The following B4GALT1 variants were observed in gnomAD, a reference collection of about 807,000 sequenced individuals.
B4GALT1 encodes beta-1,4-galactosyltransferase 1.
In B4GALT1, 16 loss-of-function variants were observed where a neutral mutation model predicts 34.9. The ratio of observed to expected loss-of-function variants is 0.46; its 90% CI spans 0.31 to 0.70. The LOEUF (loss-of-function observed/expected upper bound fraction) is 0.70. Ranked by LOEUF, B4GALT1 falls within the 30% of genes least tolerant of loss-of-function variation. B4GALT1 has a pLI of 0.05. For synonymous variants in B4GALT1, 221 were observed against 218.1 expected (o/e 1.01, Z -0.12); for missense variants, 445 against 530.5 (o/e 0.84, Z 1.58).
chr9:33,160,102 G>A (rs928854044), intron 1 of B4GALT1, among the ~76,000 whole-genome samples: 1 of 152,178 alleles, frequency 6.6e-6, no homozygotes, highest in African/African-American at 2.4e-5. Flanking sequence ...AGCAAATCTG[G>A]AATTTCCAAT....
intron 1 of B4GALT1, among the ~76,000 whole-genome samples, chr9:33,158,664 C>T (rs1023545007): frequency 1.3e-5 from 2 of 152,192 alleles, no homozygotes; most frequent in Non-Finnish European, 2.9e-5. Context: ...CTAAAATCAA[C>T]GTCTGGAAGA....
At chr9:33,184,546 C>G in the B4GALT1 span, among the ~76,000 whole-genome samples, 216 of 152,292 alleles carry the variant, frequency 1.4e-3, 1 homozygote, top group African/African-American at 5.0e-3. Context: ...AATTTTCAGT[C>G]TAATAGGAGA....
chr9:33,131,980 A>C (rs1840199335), intron 2 of B4GALT1, among the ~76,000 whole-genome samples: 1 of 152,172 alleles, frequency 6.6e-6, no homozygotes, highest in Non-Finnish European at 1.5e-5. Context: ...ATTTTCCCAA[A>C]ATGATCAATT....
intron 2 of B4GALT1, among the ~76,000 whole-genome samples, chr9:33,129,454 G>T (rs1840161253): frequency 1.3e-5 from 2 of 152,164 alleles, no homozygotes; most frequent in South Asian, 4.1e-4. Flanking sequence ...TGGGAACGGA[G>T]GCTTCACTTC....
At chr9:33,175,020 T>TATATATATATATATATATAAAA in the B4GALT1 span, among the ~76,000 whole-genome samples, 6 of 39,066 alleles carry the variant, frequency 1.5e-4, no homozygotes, top group South Asian at 1.3e-3. Flanking sequence ...TATATATATA[T>TATATATATATATATATATAAAA]AAAATTGGAG....
At chr9:33,167,666 C>T (rs1587756580), upstream of B4GALT1, among the ~76,000 whole-genome samples, 3 of 152,298 alleles carry the variant, frequency 2.0e-5, no homozygotes, top group African/African-American at 7.2e-5. Flanking sequence ...TCCTGGGGTG[C>T]GAAGGGACTC....
At chr9:33,170,471 T>G (rs1176935455), upstream of B4GALT1, among the ~76,000 whole-genome samples, 1 of 152,166 alleles carries the variant, frequency 6.6e-6, no homozygotes, top group Non-Finnish European at 1.5e-5. Flanking sequence ...AGATTAGTCC[T>G]GCAACTGAAA....
At chr9:33,126,660 G>GTTAACCATTGTT in intron 2 of B4GALT1, among the ~76,000 whole-genome samples, 1 of 150,330 alleles carries the variant, frequency 6.7e-6, no homozygotes, top group Non-Finnish European at 1.5e-5. Flanking sequence ...GTTAACCATA[G>GTTAACCATTGTT]CAATATGGTA....
chr9:33,184,286 AC>A, the B4GALT1 span, among the ~76,000 whole-genome samples: 71 of 151,998 alleles, frequency 4.7e-4, 1 homozygote, highest in East Asian at 5.6e-3. Context: ...ACACACACAC[AC>A]AAAAACATAG....
rs7874095 is a variant in B4GALT1, at chr9:33,160,064, A to G, written c.412+6694T>C. ...CAGAATTCTAGACACATTGTTCAGCAATAAGTGATACTCATCTGCCAGCAC... is the reference window on the plus strand; with the variant it reads ...CAGAATTCTAGACACATTGTTCAGCGATAAGTGATACTCATCTGCCAGCAC... On this transcript the variant is annotated intron_variant, in intron 1 of 5. Coordinates refer to ENST00000379731, the MANE Select transcript of B4GALT1 (RefSeq NM_001497.4). Among the ~76,000 whole-genome samples, 1,434 of 152,336 alleles carry G rather than the reference A, an allele frequency of 9.4e-3. 20 individuals are homozygous for G. Among genetic ancestry groups the G allele is most frequent in the African/African-American group, 0.032 (1,348 of 41,566 alleles).
At chr9:33,150,430 T>G (rs1245838764) in intron 1 of B4GALT1, among the ~76,000 whole-genome samples, 1 of 149,524 alleles carries the variant, frequency 6.7e-6, no homozygotes, top group Non-Finnish European at 1.5e-5. Flanking sequence ...AAAACAGAAC[T>G]GGATGAAAAA....
the B4GALT1 span, among the ~76,000 whole-genome samples, chr9:33,177,050 G>A: frequency 6.6e-6 from 1 of 152,196 alleles, no homozygotes; most frequent in Non-Finnish European, 1.5e-5. Context: ...TTTTCTGGCT[G>A]TATATAATGC....
chr9:33,167,643 A>G (rs918141347), upstream of B4GALT1, among the ~76,000 whole-genome samples: 2 of 152,278 alleles, frequency 1.3e-5, no homozygotes, highest in Admixed American at 6.5e-5. Flanking sequence ...TGCCCTCGAC[A>G]GGCCGCGCCA....
chr9:33,185,018 G>C, the B4GALT1 span, among the ~76,000 whole-genome samples: 7 of 152,220 alleles, frequency 4.6e-5, 1 homozygote, highest in African/African-American at 1.7e-4. Context: ...CCACAAACTT[G>C]CCCCTCTTTA....
At chr9:33,107,448 G>A (rs1449161935), downstream of B4GALT1, among the ~76,000 whole-genome samples, 1 of 151,838 alleles carries the variant, frequency 6.6e-6, no homozygotes, top group Non-Finnish European at 1.5e-5. Context: ...CCACACAGCT[G>A]GCCTCAGTCG....
chr9:33,161,166 A>G (rs974750994), intron 1 of B4GALT1, among the ~76,000 whole-genome samples: 1 of 152,108 alleles, frequency 6.6e-6, no homozygotes, highest in Non-Finnish European at 1.5e-5. Flanking sequence ...AGCAACAGCC[A>G]ATTATATAGC....
intron 2 of B4GALT1, among the ~76,000 whole-genome samples, chr9:33,129,475 A>C (rs886298222): frequency 2.0e-5 from 3 of 152,212 alleles, no homozygotes; most frequent in African/African-American, 7.2e-5. Context: ...CAAGAGGCAC[A>C]GATTTAGGCA....
At chr9:33,170,136 ATTTG>A (rs61170320), upstream of B4GALT1, among the ~76,000 whole-genome samples, 1,495 of 151,716 alleles carry the variant, frequency 9.9e-3, 31 homozygotes, top group African/African-American at 0.034. Flanking sequence ...TGCCCGGCTA[ATTTG>A]TTTGTATTTT....
intron 2 of B4GALT1, among the ~76,000 whole-genome samples, chr9:33,126,795 C>A (rs949910095): frequency 6.6e-6 from 1 of 152,106 alleles, no homozygotes; most frequent in Non-Finnish European, 1.5e-5. Context: ...CCAAAGACAC[C>A]ACTCTCAAGA....
Sources: allele counts gnomAD v4.1 joint callset (sites outside exome capture counted in the v4.1 genomes callset), GRCh38; gene constraint gnomAD v4.1.1; transcripts MANE v1.5; gene names NCBI Gene and HGNC (gene_info 2026-07-23, HGNC 2026-07-21).